HS6ST2: variants seen among roughly 807,000 people sequenced by gnomAD.
HS6ST2 encodes the protein heparan sulfate 6-O-sulfotransferase 2, also known as heparan-sulfate 6-O-sulfotransferase 2.
HS6ST2 carries 17 observed loss-of-function variants against 33.0 expected under a neutral mutation model. The ratio of observed to expected loss-of-function variants is 0.52; its 90% confidence interval spans 0.35 to 0.77. The LOEUF is 0.77. HS6ST2 is among the 30% of genes least tolerant of loss of function. The pLI, the probability that HS6ST2 is intolerant of heterozygous loss-of-function variation, is 0.01. For missense variants in HS6ST2, 519 were observed against 551.7 expected, an observed-to-expected ratio of 0.94 and a Z score of 0.59; for synonymous variants, 248 against 237.1, an observed-to-expected ratio of 1.05 and a Z score of -0.42.
At chrX:132,747,361 C>T (rs933249396) in intron 2 of HS6ST2, among the ~76,000 whole-genome samples, 3 of 111,680 alleles carry the variant, frequency 2.7e-5, no homozygotes, top group Non-Finnish European at 3.8e-5. Flanking sequence ...TAGGAAAGCT[C>T]GCTGGAAGGG....
At position 132,938,518 on chromosome X, in the gene HS6ST2, A is replaced by G. The variant is rs143027402; in HGVS notation, c.947+18290T>C. Among the ~76,000 whole-genome samples, 1,011 of 110,496 alleles carry G rather than the reference A, an allele frequency of 9.1e-3. 14 individuals carry two copies. The highest frequency in any genetic ancestry group is 0.032 in the African/African-American group (961 of 30,423). ...TAGTCAGGCATAGTGATCCTTGCCT[A>G]TAGTTCTTCCTACTTGGAAGGCTGA... On this transcript the variant is annotated intron_variant, in intron 2 of 4. Coordinates refer to ENST00000370833, the MANE Select transcript of HS6ST2 (RefSeq NM_001394073.1).
chrX:132,849,392 A>G (rs1386661323), intron 2 of HS6ST2, among the ~76,000 whole-genome samples: 1 of 111,811 alleles, frequency 8.9e-6, no homozygotes, highest in Non-Finnish European at 1.9e-5. Flanking sequence ...AGGCAAACAC[A>G]ATTACCTTTT....
chrX:132,941,175 T>C (rs373224539), intron 2 of HS6ST2, among the ~76,000 whole-genome samples: 19 of 111,850 alleles, frequency 1.7e-4, no homozygotes, highest in African/African-American at 6.2e-4. Flanking sequence ...GAACACTGTA[T>C]GTAGCCTTTC....
Position 132,866,340 on chromosome X carries a change from C to T in HS6ST2, c.947+90468G>A, listed in dbSNP as rs766386556. Among the ~76,000 whole-genome samples the T allele has an allele frequency of 4.0e-4, 41 of 103,626 alleles. 1 individual carries two copies. The highest frequency in any genetic ancestry group is 1.0e-4 in the Admixed American group (1 of 9,560). The allele number at this position is 103,626 out of a possible 115,157, so 90.0% of individuals were successfully genotyped here. On this transcript the variant is annotated intron_variant, in intron 2 of 4. Coordinates refer to ENST00000370833, the MANE Select transcript of HS6ST2 (RefSeq NM_001394073.1). The stretch of plus-strand genomic sequence containing the variant: ...TCTGTTCTGTTCCATTGATCTATAT[C>T]TCTGTTTTGGTACCAGTACCATGCT...
chrX:132,661,209 G>C (rs768169317), intron 4 of HS6ST2, among the ~76,000 whole-genome samples: 14 of 110,343 alleles, frequency 1.3e-4, no homozygotes, highest in Non-Finnish European at 2.3e-4. Context: ...AGTGCAATAA[G>C]GCAAGAAGAA....
chrX:132,751,682 A>AT (rs1419202774), intron 2 of HS6ST2, among the ~76,000 whole-genome samples: 2 of 112,385 alleles, frequency 1.8e-5, no homozygotes, highest in Non-Finnish European at 3.8e-5. Flanking sequence ...GAAAACCATC[A>AT]TTTTTCACAC....
At chrX:132,706,491 G>A (rs1396282464) in intron 3 of HS6ST2, among the ~76,000 whole-genome samples, 3 of 111,972 alleles carry the variant, frequency 2.7e-5, no homozygotes, top group Non-Finnish European at 5.6e-5. Flanking sequence ...AGGAAAAAGA[G>A]AGAGAGATTG....
chrX:132,763,237 A>G (rs982368841), intron 2 of HS6ST2, among the ~76,000 whole-genome samples: 2 of 112,041 alleles, frequency 1.8e-5, no homozygotes, highest in Non-Finnish European at 3.8e-5. Flanking sequence ...GGGCATACCT[A>G]GTTACTCATT....
chrX:132,794,213 C>A (rs1409204788), intron 2 of HS6ST2, among the ~76,000 whole-genome samples: 1 of 111,756 alleles, frequency 8.9e-6, no homozygotes, highest in African/African-American at 3.3e-5. Flanking sequence ...ATGAAGGCTT[C>A]CTTCTGCTCT....
chrX:132,881,683 T>A (rs941834496), intron 2 of HS6ST2, among the ~76,000 whole-genome samples: 3 of 111,811 alleles, frequency 2.7e-5, no homozygotes, highest in African/African-American at 6.5e-5. Context: ...GGTGTTTTAG[T>A]CATGAAGTCC....
chrX:132,875,144 C>G (rs189614886), intron 2 of HS6ST2, among the ~76,000 whole-genome samples: 1 of 111,948 alleles, frequency 8.9e-6, no homozygotes, highest in Admixed American at 9.5e-5. Flanking sequence ...TGACAGGAAA[C>G]AGGTAGCTGG....
chrX:132,723,406 T>C (rs1330873995), intron 2 of HS6ST2, among the ~76,000 whole-genome samples: 2 of 111,816 alleles, frequency 1.8e-5, no homozygotes, highest in Admixed American at 9.5e-5. Context: ...TAATGAATAT[T>C]GATGCAGAAA....
At chrX:132,675,600 G>T (rs902417910) in intron 3 of HS6ST2, among the ~76,000 whole-genome samples, 1 of 111,189 alleles carries the variant, frequency 9.0e-6, no homozygotes, top group Non-Finnish European at 1.9e-5. Context: ...GGCAAGCTGG[G>T]TACCAAGAGA....
chrX:132,761,662 A>G (rs780079289), intron 2 of HS6ST2, among the ~76,000 whole-genome samples: 69 of 112,101 alleles, frequency 6.2e-4, no homozygotes, highest in Non-Finnish European at 7.7e-4. Context: ...AAGGAGAGTT[A>G]TTACATCTTC....
At chrX:132,808,089 G>C (rs978804339) in intron 2 of HS6ST2, among the ~76,000 whole-genome samples, 2 of 111,623 alleles carry the variant, frequency 1.8e-5, no homozygotes, top group African/African-American at 3.3e-5. Flanking sequence ...TGAGAAAATG[G>C]CTTTCTCTAA....
intron 2 of HS6ST2, among the ~76,000 whole-genome samples, chrX:132,781,320 T>C (rs1170362358): frequency 2.7e-5 from 3 of 111,587 alleles, no homozygotes; most frequent in Non-Finnish European, 5.7e-5. Context: ...AAAGAAGGGG[T>C]GTCTACTTCT....
chrX:132,891,589 T>C (rs1325934021), intron 2 of HS6ST2, among the ~76,000 whole-genome samples: 2 of 109,706 alleles, frequency 1.8e-5, no homozygotes, highest in African/African-American at 6.7e-5. Context: ...CCTGTGTCCA[T>C]GTGTTCTCAT....
At chrX:132,705,809 T>C (rs2064184819) in intron 3 of HS6ST2, among the ~76,000 whole-genome samples, 1 of 111,913 alleles carries the variant, frequency 8.9e-6, no homozygotes, top group Non-Finnish European at 1.9e-5. Flanking sequence ...GTTTCCACTA[T>C]AGTAATGTTA....
intron 4 of HS6ST2, among the ~76,000 whole-genome samples, chrX:132,656,862 A>C (rs760026599): frequency 3.4e-4 from 38 of 111,845 alleles, no homozygotes; most frequent in Non-Finnish European, 6.2e-4. Context: ...GCAGGCTTTG[A>C]GGTCCTCCCT....
Sources: allele counts gnomAD v4.1 joint callset (sites outside exome capture counted in the v4.1 genomes callset), GRCh38; gene constraint gnomAD v4.1.1; transcripts MANE v1.5; gene names NCBI Gene and HGNC (gene_info 2026-07-23, HGNC 2026-07-21).